Variants in LRBA observed in about 807,000 individuals in gnomAD.
LRBA encodes the protein LPS responsive beige-like anchor protein.
Under a neutral mutation model 330.0 loss-of-function variants are expected in LRBA, and 176 were observed. That is an observed-to-expected ratio of 0.53 (90% CI 0.47 to 0.60). LRBA has a LOEUF of 0.60. Among genes scored for constraint, LRBA ranks in the 20% least tolerant of loss-of-function variants. The pLI, the probability that LRBA is intolerant of heterozygous loss-of-function variation, is 0.00. For missense variants in LRBA, 3,259 were observed against 3,444.8 expected (o/e 0.95, Z 1.35); for synonymous variants, 1,230 against 1,193.0 (o/e 1.03, Z -0.64).
intron 28 of LRBA, among the ~76,000 whole-genome samples, chr4:150,836,676 C>T (rs1447995242): frequency 6.6e-6 from 1 of 151,812 alleles, no homozygotes; most frequent in Non-Finnish European, 1.5e-5. Flanking sequence ...TCATTCGATT[C>T]TTCTCTCTTT....
chr4:150,661,432 T>G (rs1781085681), intron 37 of LRBA, among the ~76,000 whole-genome samples: 1 of 140,248 alleles, frequency 7.1e-6, no homozygotes, highest in African/African-American at 2.7e-5. Context: ...ATCGTGCCAC[T>G]GCCCTCCAGC....
At chr4:150,890,085 C>T (rs553004571) in intron 17 of LRBA, among the ~76,000 whole-genome samples, 50 of 152,186 alleles carry the variant, frequency 3.3e-4, no homozygotes, top group African/African-American at 9.9e-4. Flanking sequence ...TAAACAAGAA[C>T]GTGCTCTAAA....
chr4:150,454,723 G>A (rs72734471), intron 44 of LRBA, among the ~76,000 whole-genome samples: 3,766 of 151,758 alleles, frequency 0.025, 65 homozygotes, highest in South Asian at 0.056. Context: ...TTCATCCCTC[G>A]CCTTCCCCCT....
intron 40 of LRBA, among the ~76,000 whole-genome samples, chr4:150,535,658 T>G (rs1018491442): frequency 2.0e-5 from 3 of 152,232 alleles, no homozygotes; most frequent in Non-Finnish European, 4.4e-5. Context: ...TAGAGAACTA[T>G]CTACCTTAAA....
At chr4:150,643,092 A>G (rs1167613543) in intron 37 of LRBA, among the ~76,000 whole-genome samples, 1 of 151,948 alleles carries the variant, frequency 6.6e-6, no homozygotes, top group African/African-American at 2.4e-5. Context: ...TTCAACCAAC[A>G]TAAAGATTTC....
chr4:150,329,381 CCTT>C (rs1167042117), intron 48 of LRBA, among the ~76,000 whole-genome samples: 7 of 152,122 alleles, frequency 4.6e-5, no homozygotes, highest in African/African-American at 1.2e-4. Flanking sequence ...CAGTTCTCCT[CCTT>C]GTTTTTAAAA....
intron 37 of LRBA, among the ~76,000 whole-genome samples, chr4:150,661,866 A>G (rs1313981617): frequency 6.6e-6 from 1 of 152,084 alleles, no homozygotes; most frequent in Non-Finnish European, 1.5e-5. Flanking sequence ...GTGATCCACG[A>G]GCATCGGCCT....
intron 34 of LRBA, among the ~76,000 whole-genome samples, chr4:150,778,452 A>G (rs1029600835): frequency 6.6e-6 from 1 of 152,216 alleles, no homozygotes; most frequent in African/African-American, 2.4e-5. Flanking sequence ...TTATTTGTAA[A>G]TAATCAAAAA....
Position 150,917,071 on chromosome 4 carries a change from T to C in LRBA, c.646-333A>G, listed in dbSNP as rs1376695544. On this transcript the variant is annotated intron_variant, in intron 5 of 56. Transcript: ENST00000651943. ...GGGAGGCTGAGACAGGAGAACGGCG[T>C]GAACCCAGGAGGCAGAGTTTGCAGT... is the stretch of plus-strand genomic sequence containing the variant. 2.6e-5 allele frequency among the ~76,000 whole-genome samples: 4 copies of C among 151,846 alleles called. No homozygotes were observed. The East Asian group carries it at 7.7e-4, about 29-fold the overall frequency.
intron 40 of LRBA, among the ~76,000 whole-genome samples, chr4:150,540,917 A>G (rs1014158898): frequency 1.3e-5 from 2 of 152,238 alleles, no homozygotes; most frequent in Non-Finnish European, 2.9e-5. Flanking sequence ...TCTGATTTTC[A>G]GGATGAATTT....
chr4:150,512,462 A>T lies in LRBA; in HGVS notation c.6331-21427T>A, dbSNP rs1383686991. 3.3e-5 allele frequency among the ~76,000 whole-genome samples: 5 copies of T among 152,268 alleles called. No individual in the cohort carries two copies. The South Asian group carries it at 1.0e-3, about 32-fold the overall frequency. On this transcript the variant is annotated intron_variant, in intron 40 of 56. Transcript: ENST00000651943. Reference sequence around the variant, plus strand: ...GTGATTTGGACTTTGGGAGGTGAACAAGTACTTAGAGGAGAGCCCTCATGA... The same window carrying T: ...GTGATTTGGACTTTGGGAGGTGAACTAGTACTTAGAGGAGAGCCCTCATGA...
At chr4:150,849,700 C>T (rs1231337772) in intron 24 of LRBA, 125 bp from the exon 25 acceptor site, 3 of 711,798 alleles carry the variant, frequency 4.2e-6, no homozygotes, top group African/African-American at 3.5e-5. Context: ...GAAGATGATG[C>T]AGCAGGCATT....
rs201277927 is a variant in LRBA at position 150,655,682 on chromosome 4, CT to C, written c.5921+27868del. On this transcript the variant is annotated intron_variant, in intron 37 of 56. Transcript: ENST00000651943. ...TACAAATGGCCAGTGCTGTTTCTGT[CT>C]TTTCACACCACTGACAAGAGCAATG... 1.1e-3 allele frequency among the ~76,000 whole-genome samples: 164 copies of C among 152,280 alleles called. 2 individuals carry two copies. The East Asian group carries it at 0.025, about 24-fold the overall frequency.
At chr4:150,487,680 T>C in intron 42 of LRBA, 52 bp downstream of exon 42, 1 of 960,808 alleles carries the variant, frequency 1.0e-6, no homozygotes. Flanking sequence ...GGTTAATTAT[T>C]ATAACTATTA....
chr4:150,557,139 G>A (rs1473062069), intron 40 of LRBA, among the ~76,000 whole-genome samples: 1 of 152,084 alleles, frequency 6.6e-6, no homozygotes, highest in Non-Finnish European at 1.5e-5. Context: ...GTCAGAAAGT[G>A]CTCAAGAAAA....
intron 47 of LRBA, among the ~76,000 whole-genome samples, chr4:150,362,636 G>C (rs1364361786): frequency 6.6e-6 from 1 of 152,158 alleles, no homozygotes; most frequent in Admixed American, 6.5e-5. Flanking sequence ...AGGTGATACT[G>C]ATGCTGCTGG....
At chr4:150,518,011 A>C (rs1024834420) in intron 40 of LRBA, among the ~76,000 whole-genome samples, 30 of 152,244 alleles carry the variant, frequency 2.0e-4, no homozygotes, top group African/African-American at 6.8e-4. Context: ...ACAATTTTAT[A>C]GATAAAGATG....
Position 150,583,056 on chromosome 4 carries a change from T to C in LRBA, c.6330+4992A>G. The C allele has an allele frequency of 6.2e-7, 1 of 1,608,742 alleles. No homozygotes were observed. Among genetic ancestry groups the C allele is most frequent in the South Asian group, 1.1e-5 (1 of 90,610 alleles). ...TGATCGCCGCTCAGGCCAAGCTGGT[T>C]TACCAGCTCAATAAGTACTACACTG... is the stretch of plus-strand genomic sequence containing the variant. On this transcript the variant is annotated intron_variant, in intron 40 of 56. Coordinates refer to ENST00000651943, the MANE Select transcript of LRBA (RefSeq NM_001364905.1). This position sits in a 1 kb window ranked among gnomAD's most constrained non-coding sequence, Gnocchi z 9.8.
At position 150,902,132 on chromosome 4, in the gene LRBA, ATAT is replaced by A. The variant is rs1392133535; in HGVS notation, c.1756-1918_1756-1916del. Among the ~76,000 whole-genome samples the A allele has an allele frequency of 2.0e-5, 3 of 152,244 alleles. No individual in the cohort carries two copies. In the East Asian group the frequency reaches 5.8e-4, roughly 29 times the overall value. ...TAATTGAGTGACATAGAGCTATGAA[ATAT>A]TATTAATTCAGAGGACAGATAAATT... On this transcript the variant is annotated intron_variant, in intron 13 of 56. Transcript: ENST00000651943.
Sources: allele counts gnomAD v4.1 joint callset (sites outside exome capture counted in the v4.1 genomes callset), GRCh38; gene constraint gnomAD v4.1.1; non-coding constraint Gnocchi (gnomAD v3.1); transcripts MANE v1.5; gene names NCBI Gene and HGNC (gene_info 2026-07-23, HGNC 2026-07-21).